PDZD8: variants seen among roughly 807,000 people sequenced by gnomAD.
The protein encoded by PDZD8 is PDZ domain-containing protein 8.
PDZD8 carries 14 observed loss-of-function variants against 85.8 expected under a neutral mutation model. That is an observed-to-expected ratio of 0.16 (90% confidence interval 0.11 to 0.26). The LOEUF (loss-of-function observed/expected upper bound fraction) is 0.26. Ranked by LOEUF, PDZD8 falls within the 10% of genes least tolerant of loss-of-function variation. PDZD8 has a pLI of 1.00. For synonymous variants in PDZD8, 592 were observed against 568.6 expected (o/e 1.04, Z -0.59); for missense variants, 1,197 against 1,424.3 (o/e 0.84, Z 2.57).
intron 1 of PDZD8, among the ~76,000 whole-genome samples, chr10:117,367,307 A>G (rs1197344222): frequency 1.3e-5 from 2 of 152,122 alleles, no homozygotes; most frequent in African/African-American, 4.8e-5. Context: ...GCTACTTGGG[A>G]GGCTGAGGCA....
At chr10:117,305,483 C>CACAT (rs1843924919) in intron 3 of PDZD8, among the ~76,000 whole-genome samples, 1 of 40,764 alleles carries the variant, frequency 2.5e-5, no homozygotes, top group African/African-American at 7.4e-5. Flanking sequence ...CACACACACA[C>CACAT]ACACACACAC....
At chr10:117,346,923 C>T (rs1844719202) in intron 1 of PDZD8, among the ~76,000 whole-genome samples, 1 of 152,102 alleles carries the variant, frequency 6.6e-6, no homozygotes, top group Non-Finnish European at 1.5e-5. Context: ...GTATATCAAT[C>T]ACTGCCCCCT....
At chr10:117,307,035 T>G (rs56382679) in intron 3 of PDZD8, among the ~76,000 whole-genome samples, 1,972 of 152,228 alleles carry the variant, frequency 0.013, 43 homozygotes, top group African/African-American at 0.044. Flanking sequence ...CAGCCTTTTA[T>G]TTTTGCATAA....
At chr10:117,368,851 GTTTTTT>G (rs3034161) in intron 1 of PDZD8, among the ~76,000 whole-genome samples, 2 of 99,070 alleles carry the variant, frequency 2.0e-5, no homozygotes, top group Non-Finnish European at 4.2e-5. Context: ...TATTGACAAT[GTTTTTT>G]TTTTTTTTTT....
At chr10:117,330,849 T>C (rs1239546079) in intron 2 of PDZD8, among the ~76,000 whole-genome samples, 1 of 152,216 alleles carries the variant, frequency 6.6e-6, no homozygotes, top group Non-Finnish European at 1.5e-5. Flanking sequence ...CTACACTTCA[T>C]TCAGACAAGA....
At chr10:117,325,700 G>A (rs553890256) in intron 2 of PDZD8, among the ~76,000 whole-genome samples, 1 of 152,042 alleles carries the variant, frequency 6.6e-6, no homozygotes, top group Admixed American at 6.6e-5. Flanking sequence ...ACCACGCCCA[G>A]CCAAAACTAT....
chr10:117,344,059 T>G (rs894454354), intron 1 of PDZD8, among the ~76,000 whole-genome samples: 2 of 152,210 alleles, frequency 1.3e-5, no homozygotes, highest in South Asian at 2.1e-4. Flanking sequence ...ATGTCAGTTT[T>G]CTCACTCAGG....
intron 4 of PDZD8, among the ~76,000 whole-genome samples, chr10:117,287,796 A>G (rs1036046158): frequency 6.6e-6 from 1 of 152,220 alleles, no homozygotes; most frequent in African/African-American, 2.4e-5. Context: ...TTGCCCCTTT[A>G]GCCTACAAAC....
At chr10:117,321,743 T>G (rs999596703) in intron 2 of PDZD8, among the ~76,000 whole-genome samples, 2 of 152,114 alleles carry the variant, frequency 1.3e-5, no homozygotes, top group African/African-American at 4.8e-5. Context: ...GTTTCAAAGA[T>G]TTTTTTAAAA....
intron 4 of PDZD8, among the ~76,000 whole-genome samples, chr10:117,287,265 A>C (rs1844680074): frequency 6.7e-6 from 1 of 149,078 alleles, no homozygotes; most frequent in Admixed American, 6.7e-5. Flanking sequence ...GGTTCTGATC[A>C]CCTCTCCTCT....
chr10:117,348,871 CCT>C (rs1312091584), intron 1 of PDZD8, among the ~76,000 whole-genome samples: 1 of 152,150 alleles, frequency 6.6e-6, no homozygotes, highest in Non-Finnish European at 1.5e-5. Flanking sequence ...TGATTACCAC[CCT>C]GTTTTCTGCT....
Position 117,285,479 on chromosome 10 carries a change from A to C in PDZD8, c.1262-8T>G, listed in dbSNP as rs1294337310. ...TTGATGTGATTTTCACACCTGGTTT[A>C]AGATTTTAAAAGGGAAAACATGTAA... On this transcript the variant is annotated splice_polypyrimidine_tract_variant and splice_region_variant and intron_variant, in intron 4 of 4. Coordinates refer to ENST00000334464, the MANE Select transcript of PDZD8 (RefSeq NM_173791.5). 1.3e-6 allele frequency: 2 copies of C among 1,553,232 alleles called. No individual in the cohort carries two copies. The highest frequency in any genetic ancestry group is 1.7e-6 in the Non-Finnish European group (2 of 1,149,036).
rs199983551 is a variant in PDZD8, at chr10:117,319,392, AACACACACACAC to A, written c.996-430_996-419del. Among the ~76,000 whole-genome samples, 988 of 101,796 alleles carry A rather than the reference AACACACACACAC, an allele frequency of 9.7e-3. 12 individuals are homozygous for A. The highest frequency in any genetic ancestry group is 0.025 in the African/African-American group (814 of 32,294). 66.8% of individuals were successfully genotyped at this position (101,796 alleles called of 152,430 possible). On this transcript the variant is annotated intron_variant, in intron 2 of 4. Coordinates refer to ENST00000334464, the MANE Select transcript of PDZD8 (RefSeq NM_173791.5). ...CTAAAGTGCAATATAATTGCTCATA[AACACACACACAC>A]ACACACACACACACACACACACACA...
intron 2 of PDZD8, among the ~76,000 whole-genome samples, chr10:117,332,003 C>T (rs757249256): frequency 4.1e-4 from 63 of 152,102 alleles, no homozygotes; most frequent in Admixed American, 3.7e-3. Context: ...TAAAAACTAA[C>T]GGAAAACATC....
At chr10:117,370,918 T>TGTG (rs1845177851) in intron 1 of PDZD8, among the ~76,000 whole-genome samples, 27 of 146,448 alleles carry the variant, frequency 1.8e-4, no homozygotes, top group African/African-American at 5.8e-4. Flanking sequence ...ACAACATAGT[T>TGTG]TGTGTGTGTG....
At chr10:117,329,401 A>T (rs1844376821) in intron 2 of PDZD8, among the ~76,000 whole-genome samples, 2 of 152,332 alleles carry the variant, frequency 1.3e-5, no homozygotes, top group East Asian at 1.9e-4. Flanking sequence ...CAGTAAGCAT[A>T]AATACAAACA....
intron 1 of PDZD8, among the ~76,000 whole-genome samples, chr10:117,355,187 TCTC>T (rs1403643998): frequency 1.3e-5 from 2 of 152,142 alleles, no homozygotes; most frequent in Non-Finnish European, 2.9e-5. Flanking sequence ...CTGTATTATT[TCTC>T]CTGAGAAACT....
chr10:117,283,763 A>C lies in PDZD8; in HGVS notation c.2970T>G (p.Pro990=), dbSNP rs1389182530. 6.2e-7 allele frequency: 1 copy of C among 1,614,198 alleles called. No individual in the cohort carries two copies. Among genetic ancestry groups the C allele is most frequent in the Admixed American group, 1.7e-5 (1 of 60,030 alleles). Residue 990 remains proline, a synonymous_variant, in exon 5 of 5, where the codon CCT becomes CCG. Transcript: ENST00000334464. Reference sequence around the variant, plus strand: ...TTCCTGTGCTGTTTCCCCGTTTAGAAGGACTGTTTGGACCACAGACCTCCG... The same window carrying C: ...TTCCTGTGCTGTTTCCCCGTTTAGACGGACTGTTTGGACCACAGACCTCCG... The part of the protein sequence containing the change: ...SDTEVCGPNS[P]SKRGNSTGIK...
chr10:117,309,394 TAA>T (rs57766522), intron 3 of PDZD8, among the ~76,000 whole-genome samples: 2 of 58,714 alleles, frequency 3.4e-5, no homozygotes, highest in Admixed American at 1.5e-4. Context: ...CAGTAAAAAT[TAA>T]AAAAAAAAAA....
Sources: gnomAD v4.1 joint callset for allele counts (sites outside exome capture counted in the v4.1 genomes callset) on GRCh38, gnomAD v4.1.1 for gene constraint, MANE v1.5 for transcripts, NCBI Gene and HGNC (gene_info 2026-07-23, HGNC 2026-07-21) for gene names.